The following ANO7 variants were observed in gnomAD, a reference collection of about 807,000 sequenced individuals.
ANO7 encodes anoctamin-7.
A neutral mutation model predicts 115.8 loss-of-function variants in ANO7; 114 were observed. The observed-to-expected ratio is 0.98, with a 90% CI of 0.85 to 1.15. ANO7 has a LOEUF of 1.15. Ranked by LOEUF, ANO7 falls within the 50% of genes most tolerant of loss-of-function variation. ANO7 has a pLI of 0.00. For synonymous variants in ANO7, 550 were observed against 498.2 expected (o/e 1.10, Z -1.38); for missense variants, 1,302 against 1,201.2 (o/e 1.08, Z -1.24).
Position 241,216,090 on chromosome 2 carries a change from C to T in ANO7, c.1827-3C>T. 1.2e-6 allele frequency: 2 copies of T among 1,602,836 alleles called. No homozygotes were observed. The highest frequency in any genetic ancestry group is 1.7e-6 in the Non-Finnish European group (2 of 1,176,130). Reference sequence around the variant, plus strand: ...GGCCATTTTCCTGTATTCCCGTCCCCAGGAAGCTAAAGGGCTGGTGGCAGA... The same window carrying T: ...GGCCATTTTCCTGTATTCCCGTCCCTAGGAAGCTAAAGGGCTGGTGGCAGA... On this transcript the variant is annotated splice_region_variant and splice_polypyrimidine_tract_variant and intron_variant, in intron 18 of 24. Coordinates refer to ENST00000674324, the MANE Select transcript of ANO7 (RefSeq NM_001370694.2).
chr2:241,200,443 C>G (rs13425235), intron 6 of ANO7, among the ~76,000 whole-genome samples: 3 of 152,342 alleles, frequency 2.0e-5, no homozygotes, highest in South Asian at 2.1e-4. Flanking sequence ...GATAACCCCC[C>G]CAAGGCCCAG....
In ANO7 at chr2:241,217,808, C is replaced by T; in HGVS notation, c.2095C>T (p.Arg699Cys). The T allele has an allele frequency of 1.2e-6, 2 of 1,609,952 alleles. No individual in the cohort carries two copies. The highest frequency in any genetic ancestry group is 1.7e-6 in the Non-Finnish European group (2 of 1,178,900). Residue 699 changes from arginine to cysteine, a missense_variant, in exon 20 of 25, where the codon CGC becomes TGC. Arg to Cys is a radical substitution (Grantham distance 180). Transcript: ENST00000674324. The part of the protein sequence containing the change: ...DARKFVCEYR[R>C]PVAERAQDIG... ...GCGCAAGTTCGTCTGCGAGTACCGG[C>T]GCCCGGTGGCCGAGCGCGCCCAGGA...
Position 241,216,093 on chromosome 2 carries a change from G to A in ANO7, c.1827G>A (p.Pro609=). 1 of 1,603,458 alleles carries A rather than the reference G, an allele frequency of 6.2e-7. No homozygotes were observed. Among genetic ancestry groups the A allele is most frequent in the Non-Finnish European group, 8.5e-7 (1 of 1,176,536 alleles). ...CATTTTCCTGTATTCCCGTCCCCAG[G>A]AAGCTAAAGGGCTGGTGGCAGAAGT... ...VINNMQEVLI[P]KLKGWWQKFR... is the part of the protein sequence containing the mutation. Residue 609 remains proline (P), a splice_region_variant and synonymous_variant, in exon 19 of 25, where the codon CCG becomes CCA. Coordinates refer to ENST00000674324, the MANE Select transcript of ANO7 (RefSeq NM_001370694.2).
rs2068865996 is a variant in ANO7, at chr2:241,217,678, C to T, written c.1973-8C>T. On this transcript the variant is annotated splice_polypyrimidine_tract_variant and splice_region_variant and intron_variant, in intron 19 of 24. Transcript: ENST00000674324. ...GCGGAGAGCCCGGCCGTGACCCCCT[C>T]CCCGCAGTGCTGCAGTTCGGCTTCG... 3 of 1,573,274 alleles carry T rather than the reference C, an allele frequency of 1.9e-6. No individual in the cohort carries two copies. Among genetic ancestry groups the T allele is most frequent in the African/African-American group, 2.7e-5 (2 of 74,316 alleles).
intron 21 of ANO7, 64 bp downstream of exon 21, chr2:241,218,445 G>T: frequency 8.1e-7 from 1 of 1,242,090 alleles, no homozygotes; most frequent in Non-Finnish European, 1.0e-6. Flanking sequence ...CGGGGCTCGG[G>T]TGGGGTGGGG....
intron 4 of ANO7, among the ~76,000 whole-genome samples, chr2:241,197,413 TC>T (rs2068369284): frequency 6.6e-6 from 1 of 151,664 alleles, no homozygotes; most frequent in African/African-American, 2.4e-5. Context: ...CGAGACAGGG[TC>T]TTGTTCTGTT....
Position 241,224,208 on chromosome 2 carries a change from G to T in ANO7, c.*55G>T. 1.3e-6 allele frequency: 2 copies of T among 1,591,558 alleles called. No individual in the cohort carries two copies. Among genetic ancestry groups the T allele is most frequent in the South Asian group, 1.1e-5 (1 of 90,008 alleles). On this transcript the variant is annotated 3_prime_UTR_variant, in exon 25 of 25. Transcript: ENST00000674324. ...GGGAGTGGCCCCTCCTGAGCCCTGC[G>T]AGCAGCGTCCTTTTCCTCTTCCCTC...
chr2:241,194,678 G>C (rs1191353794), intron 3 of ANO7, among the ~76,000 whole-genome samples: 1 of 151,828 alleles, frequency 6.6e-6, no homozygotes, highest in Non-Finnish European at 1.5e-5. Context: ...TTTTACTGCA[G>C]CATTTTGTTA....
intron 9 of ANO7, among the ~76,000 whole-genome samples, chr2:241,204,534 T>A (rs1324219651): frequency 1.3e-5 from 2 of 152,032 alleles, no homozygotes; most frequent in Admixed American, 1.3e-4. Context: ...TAGAGGGACT[T>A]CTCTGTCCGT....
At chr2:241,196,629 A>G (rs1366380623) in intron 4 of ANO7, among the ~76,000 whole-genome samples, 1 of 152,236 alleles carries the variant, frequency 6.6e-6, no homozygotes, top group Non-Finnish European at 1.5e-5. Flanking sequence ...TGTCTGTTTG[A>G]GATCGGCAGA....
chr2:241,236,855 CTGCTGGG>C, the ANO7 span: 8 of 1,415,664 alleles, frequency 5.7e-6, no homozygotes, highest in South Asian at 6.4e-5. Context: ...TGTGAGGCAC[CTGCTGGG>C]TGCTGGGTGG....
chr2:241,238,726 G>A, the ANO7 span: 3 of 1,589,466 alleles, frequency 1.9e-6, no homozygotes, highest in East Asian at 2.3e-5. This position sits in a 1 kb window ranked among gnomAD's most constrained non-coding sequence, Gnocchi z 4.9. Flanking sequence ...GGAACCTTTG[G>A]GGCCCATGAC....
intron 19 of ANO7, 79 bp from the exon 20 acceptor site, chr2:241,217,607 C>A: frequency 1.4e-6 from 2 of 1,475,434 alleles, no homozygotes; most frequent in Non-Finnish European, 1.8e-6. Context: ...GTGGACTGGC[C>A]GGTCCTCCGC....
At chr2:241,230,830 C>G (rs569995599), downstream of ANO7, 1 of 1,614,200 alleles carries the variant, frequency 6.2e-7, no homozygotes, top group African/African-American at 1.3e-5. The surrounding 1 kb of genome is among the most constrained non-coding windows in gnomAD (Gnocchi z 5.0). Flanking sequence ...ACGCGGTGGT[C>G]CAGCGGGACG....
At chr2:241,208,826 C>T (rs982471244) in intron 11 of ANO7, among the ~76,000 whole-genome samples, 1 of 152,206 alleles carries the variant, frequency 6.6e-6, no homozygotes, top group African/African-American at 2.4e-5. Flanking sequence ...AGGCAAAATT[C>T]CTCTCCCTCT....
the ANO7 span, chr2:241,239,894 T>C: frequency 6.2e-7 from 1 of 1,613,578 alleles, no homozygotes; most frequent in Non-Finnish European, 8.5e-7. This position sits in a 1 kb window ranked among gnomAD's most constrained non-coding sequence, Gnocchi z 4.6. Context: ...CGAGGCCCGC[T>C]CCCTACCAGG....
downstream of ANO7, chr2:241,229,587 G>A (rs759203821): frequency 3.1e-5 from 49 of 1,603,164 alleles, no homozygotes; most frequent in Non-Finnish European, 3.8e-5. Flanking sequence ...AGAGGGTTCT[G>A]TTCTTTTTGA....
At chr2:241,191,164 A>G in intron 2 of ANO7, 30 bp from the exon 3 acceptor site, 1 of 1,613,560 alleles carries the variant, frequency 6.2e-7, no homozygotes, top group Non-Finnish European at 8.5e-7. Context: ...GCTGATGCTG[A>G]TATGCTTCTC....
rs1475472901 is a variant in ANO7 at position 241,208,984 on chromosome 2, C to T, written c.1078-301C>T. 2.6e-5 allele frequency among the ~76,000 whole-genome samples: 4 copies of T among 152,260 alleles called. No individual in the cohort carries two copies. In the East Asian group the frequency reaches 5.8e-4, roughly 22 times the overall value. On this transcript the variant is annotated intron_variant, in intron 11 of 24. Coordinates refer to ENST00000674324, the MANE Select transcript of ANO7 (RefSeq NM_001370694.2). The stretch of plus-strand genomic sequence containing the variant: ...CTAACACGGTGAAACCTCGTCTCTA[C>T]TAAAAATACAAAAATTTAGCCGGGC...
Sources: allele counts gnomAD v4.1 joint callset (sites outside exome capture counted in the v4.1 genomes callset), GRCh38; gene constraint gnomAD v4.1.1; non-coding constraint Gnocchi (gnomAD v3.1); transcripts MANE v1.5; gene names NCBI Gene and HGNC (gene_info 2026-07-23, HGNC 2026-07-21).